Variants in SEL1L2 observed in about 807,000 individuals in gnomAD.
SEL1L2 encodes SEL1L2 adaptor subunit of SYVN1 ubiquitin ligase.
Under a neutral mutation model 98.8 loss-of-function variants are expected in SEL1L2, and 89 were observed. The observed-to-expected ratio is 0.90, with a 90% CI of 0.76 to 1.07. The LOEUF (loss-of-function observed/expected upper bound fraction) is 1.07, where lower values mean the gene tolerates loss of function less well. Ranked by LOEUF, SEL1L2 falls within the 50% of genes least tolerant of loss-of-function variation. The probability of loss-of-function intolerance (pLI) is 0.00; values close to 1 mark genes in which losing one functional copy is unlikely to be tolerated. For missense variants in SEL1L2, 788 were observed against 812.0 expected, an observed-to-expected ratio of 0.97 and a Z score of 0.36; for synonymous variants, 262 against 278.5, an observed-to-expected ratio of 0.94 and a Z score of 0.59.
chr20:13,886,560 TAATA>T, intron 8 of SEL1L2, 118 bp from the exon 9 acceptor site: 4 of 864,852 alleles, frequency 4.6e-6, no homozygotes, highest in Non-Finnish European at 7.0e-6. Context: ...TCTGTTCAAC[TAATA>T]GAGACAGAAG....
rs996445487 is a variant in SEL1L2, at chr20:13,926,243, A to T, written c.283+5360T>A. Among the ~76,000 whole-genome samples, 65 of 152,186 alleles carry T rather than the reference A, an allele frequency of 4.3e-4. 1 individual carries two copies. Among genetic ancestry groups the T allele is most frequent in the Admixed American group, 2.6e-4 (4 of 15,272 alleles). ...GGCAGGAGAATGGCGTGAACCCTGGAGGCGGAGCTTGTAGTGAGCGGAGAT... is the reference window on the plus strand; with the variant it reads ...GGCAGGAGAATGGCGTGAACCCTGGTGGCGGAGCTTGTAGTGAGCGGAGAT... On this transcript the variant is annotated intron_variant, in intron 3 of 19. Coordinates refer to ENST00000284951, the MANE Select transcript of SEL1L2 (RefSeq NM_025229.2).
chr20:13,931,466 A>C (rs6131538), intron 3 of SEL1L2, 137 bp downstream of exon 3: 446,419 of 451,836 alleles, frequency 0.99, 220,542 homozygotes, highest in East Asian at 1. Flanking sequence ...AAGGTAGAAG[A>C]CTGCAGAATT....
chr20:13,852,262 T>C (rs553264406), intron 18 of SEL1L2, among the ~76,000 whole-genome samples: 3 of 152,262 alleles, frequency 2.0e-5, no homozygotes, highest in Admixed American at 2.0e-4. Flanking sequence ...TAGTATTTTA[T>C]AGTAAAAAAT....
intron 2 of SEL1L2, among the ~76,000 whole-genome samples, chr20:13,945,876 A>G (rs1244350809): frequency 1.3e-5 from 2 of 152,208 alleles, no homozygotes; most frequent in Admixed American, 1.3e-4. Context: ...GAATTTGACA[A>G]AATTTGACAT....
chr20:13,973,974 AG>A (rs1215015537), intron 1 of SEL1L2, among the ~76,000 whole-genome samples: 3 of 152,170 alleles, frequency 2.0e-5, no homozygotes, highest in Admixed American at 2.0e-4. Context: ...GGACTTGGGA[AG>A]GGGTAGTGTG....
At chr20:13,849,703 C>T (rs911889943) in intron 19 of SEL1L2, 99 bp from the exon 20 acceptor site, 3 of 1,387,786 alleles carry the variant, frequency 2.2e-6, no homozygotes, top group African/African-American at 2.9e-5. Flanking sequence ...ACCCTCCTCC[C>T]ACCCATTCCC....
At chr20:13,894,340 A>G (rs2148040821) in intron 5 of SEL1L2, among the ~76,000 whole-genome samples, 1 of 152,294 alleles carries the variant, frequency 6.6e-6, no homozygotes, top group South Asian at 2.1e-4. Flanking sequence ...TGGGTGGATC[A>G]TCTGAGGTCA....
At chr20:13,907,696 CTTTCTCTTTCTTTCTT>C (rs2047998752) in intron 5 of SEL1L2, among the ~76,000 whole-genome samples, 1 of 138,696 alleles carries the variant, frequency 7.2e-6, no homozygotes, top group South Asian at 2.4e-4. Context: ...TTCTTTCTTT[CTTTCTCTTTCTTTCTT>C]TCTTTCTTTC....
chr20:13,905,309 C>CTT (rs34326096), intron 5 of SEL1L2, among the ~76,000 whole-genome samples: 71 of 132,934 alleles, frequency 5.3e-4, no homozygotes, highest in Non-Finnish European at 7.6e-4. Flanking sequence ...TGTCCTATAA[C>CTT]TTTTTTTTTT....
intron 1 of SEL1L2, among the ~76,000 whole-genome samples, chr20:13,983,178 CA>C (rs1372333111): frequency 1.3e-5 from 2 of 152,026 alleles, no homozygotes; most frequent in Admixed American, 1.3e-4. Context: ...CATTTTCCAT[CA>C]CTATTTCACT....
chr20:13,983,023 C>CAAAAAAAAAAAAAAAAAA (rs57993052), intron 1 of SEL1L2, among the ~76,000 whole-genome samples: 175 of 15,558 alleles, frequency 0.011, 55 homozygotes, highest in South Asian at 0.02. Context: ...GACTCCATCT[C>CAAAAAAAAAAAAAAAAAA]AAAAAAAAAA....
At chr20:13,920,095 G>A (rs974200694) in intron 3 of SEL1L2, among the ~76,000 whole-genome samples, 5 of 151,724 alleles carry the variant, frequency 3.3e-5, no homozygotes, top group African/African-American at 1.2e-4. Context: ...CTGGGCAGTG[G>A]CGTGCAGATG....
chr20:13,878,862 T>C (rs2046560219), intron 10 of SEL1L2, among the ~76,000 whole-genome samples: 1 of 152,274 alleles, frequency 6.6e-6, no homozygotes, highest in East Asian at 1.9e-4. Context: ...AAAGAAAATA[T>C]ATATAAACAG....
At chr20:13,878,289 A>C (rs2046528139) in intron 10 of SEL1L2, among the ~76,000 whole-genome samples, 2 of 143,540 alleles carry the variant, frequency 1.4e-5, no homozygotes, top group African/African-American at 5.2e-5. Flanking sequence ...AGCCTCAAGA[A>C]TGTGGTATGA....
intron 5 of SEL1L2, among the ~76,000 whole-genome samples, chr20:13,909,300 T>C (rs2048115680): frequency 1.3e-5 from 2 of 152,246 alleles, no homozygotes; most frequent in Non-Finnish European, 2.9e-5. Context: ...GAATGGCCTG[T>C]GGCCAGTCTG....
intron 14 of SEL1L2, among the ~76,000 whole-genome samples, chr20:13,867,697 C>CAAATGAGTTAAAACATACG (rs1156894794): frequency 6.6e-6 from 1 of 152,098 alleles, no homozygotes; most frequent in Non-Finnish European, 1.5e-5. Flanking sequence ...TTGAGAGGGT[C>CAAATGAGTTAAAACATACG]AAATGAGTTA....
intron 2 of SEL1L2, among the ~76,000 whole-genome samples, 171 bp downstream of exon 2, chr20:13,955,905 T>C (rs576895946): frequency 1.2e-4 from 18 of 152,140 alleles, no homozygotes; most frequent in African/African-American, 4.3e-4. Context: ...GACAGTCTTA[T>C]CCTCTCACGG....
intron 10 of SEL1L2, among the ~76,000 whole-genome samples, chr20:13,882,539 A>C (rs1056258846): frequency 6.6e-6 from 1 of 152,174 alleles, no homozygotes; most frequent in African/African-American, 2.4e-5. Context: ...GACCACATGG[A>C]GAGGGGCCCC....
chr20:13,935,934 C>T lies in SEL1L2; in HGVS notation c.115-4163G>A, dbSNP rs991906446. 6.6e-5 allele frequency among the ~76,000 whole-genome samples: 10 copies of T among 151,976 alleles called. No individual in the cohort carries two copies. The East Asian group carries it at 1.5e-3, about 23-fold the overall frequency. On this transcript the variant is annotated intron_variant, in intron 2 of 19. Coordinates refer to ENST00000284951, the MANE Select transcript of SEL1L2 (RefSeq NM_025229.2). ...TTGTGGTTTGTTTCTGGAGATATTC[C>T]GGAAACATTGCTGACAAGATTTTCT...
Sources: gnomAD v4.1 joint callset for allele counts (sites outside exome capture counted in the v4.1 genomes callset) on GRCh38, gnomAD v4.1.1 for gene constraint, MANE v1.5 for transcripts, NCBI Gene and HGNC (gene_info 2026-07-23, HGNC 2026-07-21) for gene names.